The following PTPN3 variants were observed in gnomAD, a reference collection of about 807,000 sequenced individuals.
PTPN3 encodes the protein tyrosine-protein phosphatase non-receptor type 3.
In PTPN3, 96 loss-of-function variants were observed where a neutral mutation model predicts 132.7. The observed-to-expected ratio is 0.72, with a 90% CI of 0.61 to 0.86. PTPN3 has a LOEUF of 0.86. PTPN3 is among the 40% of genes least tolerant of loss of function. The pLI is 0.00. For synonymous variants in PTPN3, 398 were observed against 429.0 expected (o/e 0.93, Z 0.89); for missense variants, 1,125 against 1,159.6 (o/e 0.97, Z 0.43).
chr9:109,425,104 G>C (rs1237262136), intron 12 of PTPN3, among the ~76,000 whole-genome samples: 1 of 152,110 alleles, frequency 6.6e-6, no homozygotes, highest in Admixed American at 6.5e-5. Flanking sequence ...CTCAACAGTA[G>C]ATCTACTGAA....
chr9:109,510,791 CAA>C, the PTPN3 span, among the ~76,000 whole-genome samples: 2 of 151,226 alleles, frequency 1.3e-5, no homozygotes, highest in Non-Finnish European at 2.9e-5. Flanking sequence ...CTCCAGCATT[CAA>C]AGAGTGTAAG....
At chr9:109,531,333 G>A in the PTPN3 span, among the ~76,000 whole-genome samples, 4 of 152,176 alleles carry the variant, frequency 2.6e-5, no homozygotes, top group African/African-American at 9.7e-5. Context: ...TCAGAGTATA[G>A]ATAGGGTGCT....
chr9:109,393,671 G>A (rs1228736352), intron 19 of PTPN3, among the ~76,000 whole-genome samples: 3 of 151,956 alleles, frequency 2.0e-5, no homozygotes, highest in Non-Finnish European at 4.4e-5. Context: ...TTTGAGTTTC[G>A]ATACATATAA....
chr9:109,440,266 G>A (rs1357992728), intron 7 of PTPN3, among the ~76,000 whole-genome samples: 1 of 152,226 alleles, frequency 6.6e-6, no homozygotes, highest in African/African-American at 2.4e-5. Context: ...GCCAAATGTG[G>A]CCAAGCTGTG....
At chr9:109,408,113 G>A (rs1235925919) in intron 17 of PTPN3, among the ~76,000 whole-genome samples, 1 of 152,208 alleles carries the variant, frequency 6.6e-6, no homozygotes, top group Non-Finnish European at 1.5e-5. Context: ...GGCCAGAGAT[G>A]CTGCATTTCT....
intron 24 of PTPN3, among the ~76,000 whole-genome samples, 192 bp downstream of exon 24, chr9:109,382,110 C>T (rs1839149599): frequency 6.6e-6 from 1 of 152,184 alleles, no homozygotes; most frequent in African/African-American, 2.4e-5. Context: ...CAGTTCTGTG[C>T]TACATTCACA....
chr9:109,397,614 G>A (rs1485704308), intron 19 of PTPN3: 1 of 152,218 alleles, frequency 6.6e-6, no homozygotes, highest in African/African-American at 2.4e-5. Flanking sequence ...ATCTAGCGGG[G>A]TCTTGGAGCC....
intron 14 of PTPN3, among the ~76,000 whole-genome samples, chr9:109,412,234 G>A (rs1842131286): frequency 2.0e-5 from 3 of 151,812 alleles, no homozygotes; most frequent in African/African-American, 7.3e-5. Context: ...TTTGAGGTAG[G>A]GTAAAGCTCT....
chr9:109,401,766 T>C (rs968872315), intron 19 of PTPN3, among the ~76,000 whole-genome samples: 3 of 152,174 alleles, frequency 2.0e-5, no homozygotes, highest in Non-Finnish European at 4.4e-5. Flanking sequence ...TTATGCTACG[T>C]GATACCCCAT....
At chr9:109,433,007 C>T (rs1426873490) in intron 10 of PTPN3, 66 bp downstream of exon 10, 2 of 1,587,500 alleles carry the variant, frequency 1.3e-6, no homozygotes, top group South Asian at 1.1e-5. Flanking sequence ...TGGGAGGTAA[C>T]ATTACTTTTG....
intron 14 of PTPN3, among the ~76,000 whole-genome samples, chr9:109,419,717 G>T (rs559484349): frequency 6.6e-6 from 1 of 152,264 alleles, no homozygotes; most frequent in Non-Finnish European, 1.5e-5. Flanking sequence ...AGCCTAATGT[G>T]CAGTTCTGAA....
intron 1 of PTPN3, among the ~76,000 whole-genome samples, chr9:109,475,960 T>C (rs1311198641): frequency 6.6e-6 from 1 of 152,142 alleles, no homozygotes; most frequent in African/African-American, 2.4e-5. Flanking sequence ...AAAAATACTC[T>C]CCACTTACCC....
At position 109,463,304 on chromosome 9, in the gene PTPN3, T is replaced by C; in HGVS notation, c.131A>G (p.Lys44Arg). 6.3e-7 allele frequency: 1 copy of C among 1,588,512 alleles called. No individual in the cohort carries two copies. The highest frequency in any genetic ancestry group is 8.5e-7 in the Non-Finnish European group (1 of 1,171,558). The change falls in exon 2 of 26, where the codon AAA (lysine) becomes AGA (arginine). Residue 44 changes from lysine (K) to arginine (R), a missense_variant. Transcript: ENST00000374541. ...AAAAAGTAGAGAACTTACAGTAACT[T>C]TAAAGGTCTGTACCACGCCATCTAA... ...HFLDGVVQTFKVTKQDTGQVL... is the reference protein window; with the variant it reads ...HFLDGVVQTFRVTKQDTGQVL...
At chr9:109,382,011 C>T (rs1839140388) in intron 24 of PTPN3, among the ~76,000 whole-genome samples, 1 of 152,178 alleles carries the variant, frequency 6.6e-6, no homozygotes, top group South Asian at 2.1e-4. Flanking sequence ...TGTGAAGTGC[C>T]AAACCTATTC....
chr9:109,412,705 C>T (rs1276059175), intron 14 of PTPN3, among the ~76,000 whole-genome samples: 4 of 151,916 alleles, frequency 2.6e-5, no homozygotes, highest in South Asian at 4.1e-4. Flanking sequence ...CAGGGTCTCA[C>T]TATGCTGCCT....
chr9:109,430,809 C>T (rs1268874701), intron 10 of PTPN3, among the ~76,000 whole-genome samples: 1 of 152,214 alleles, frequency 6.6e-6, no homozygotes, highest in Non-Finnish European at 1.5e-5. Flanking sequence ...TGGCCCCTCT[C>T]CTGCTGCTCC....
chr9:109,402,119 T>A (rs1311133140), intron 19 of PTPN3, among the ~76,000 whole-genome samples: 1 of 152,178 alleles, frequency 6.6e-6, no homozygotes, highest in African/African-American at 2.4e-5. Context: ...GACTTCTCAC[T>A]GCCTTTCCTG....
Position 109,426,988 on chromosome 9 carries a change from C to T in PTPN3, c.963G>A (p.Leu321=). 6.2e-7 allele frequency: 1 copy of T among 1,613,878 alleles called. No individual in the cohort carries two copies. The highest frequency in any genetic ancestry group is 8.5e-7 in the Non-Finnish European group (1 of 1,179,778). The change falls in exon 12 of 26, where the codon CTG becomes CTA. Residue 321 remains leucine, a synonymous_variant. Transcript: ENST00000374541. ...GAGAGCCCATAGTCCAGTACTGAGA[C>T]AGAACATTCTTTTCCTGAGGTAGTA... is the stretch of plus-strand genomic sequence containing the variant. The part of the protein sequence containing the change: ...KKLLPQEKNV[L]SQYWTMGSRN...
chr9:109,457,176 T>G lies in PTPN3; in HGVS notation c.286A>C (p.Lys96Gln). The change falls in exon 4 of 26, where the codon AAA (lysine) becomes CAA (glutamine). Residue 96 changes from lysine (K) to glutamine (Q), a missense_variant. Physicochemically the swap from Lys to Gln is moderately conservative, Grantham distance 53 (BLOSUM62 1). Transcript: ENST00000374541. ...EASKAIRKQL[K>Q]GGFPCTLHFR... The stretch of plus-strand genomic sequence containing the variant: ...GAAATGAAAAGATCACACCAACCTT[T>G]TAACTGCTTCCTGATGGCTTTGCTT... 1.2e-6 allele frequency: 2 copies of G among 1,613,910 alleles called. No individual in the cohort carries two copies. Among genetic ancestry groups the G allele is most frequent in the South Asian group, 1.1e-5 (1 of 91,066 alleles).
Sources: allele counts gnomAD v4.1 joint callset (sites outside exome capture counted in the v4.1 genomes callset), GRCh38; gene constraint gnomAD v4.1.1; transcripts MANE v1.5; gene names NCBI Gene and HGNC (gene_info 2026-07-23, HGNC 2026-07-21).